Variants in FBXO32 observed in about 807,000 individuals in gnomAD.
FBXO32 encodes the protein F-box protein 32.
A neutral mutation model predicts 48.3 loss-of-function variants in FBXO32; 15 were observed. The ratio of observed to expected loss-of-function variants is 0.31; its 90% confidence interval spans 0.21 to 0.48. The LOEUF is 0.48. Among genes scored for constraint, FBXO32 ranks in the 20% least tolerant of loss-of-function variants. The pLI is 0.99. For missense variants in FBXO32, 309 were observed against 432.7 expected (o/e 0.71, Z 2.54); for synonymous variants, 154 against 165.9 (o/e 0.93, Z 0.55).
chr8:123,523,627 A>AAC (rs1421762695), intron 4 of FBXO32, among the ~76,000 whole-genome samples: 2,435 of 131,122 alleles, frequency 0.019, 66 homozygotes, highest in African/African-American at 0.068. Context: ...CAACAACAAC[A>AAC]AACAAACAAA....
chr8:123,524,054 T>G (rs904429426), intron 4 of FBXO32, among the ~76,000 whole-genome samples: 7 of 152,222 alleles, frequency 4.6e-5, no homozygotes, highest in Non-Finnish European at 7.3e-5. Context: ...ATGCATAAAT[T>G]GAGAGTGCAT....
In FBXO32 at chr8:123,500,149, T is replaced by C. The variant is rs1252389008; in HGVS notation, c.*3224A>G. The C allele has an allele frequency of 2.0e-5, 3 of 152,216 alleles. No individual in the cohort carries two copies. The highest frequency in any genetic ancestry group is 7.2e-5 in the African/African-American group (3 of 41,458). The allele number at this position is 152,216 out of a possible 1,614,324, so 9.4% of individuals were successfully genotyped here. A position where few individuals can be genotyped will look rare whatever the true frequency, so the allele number is the denominator to read the frequency against. On this transcript the variant is annotated 3_prime_UTR_variant, in exon 9 of 9. Coordinates refer to ENST00000517956, the MANE Select transcript of FBXO32 (RefSeq NM_058229.4). ...TTAAAATGCCATTGGATTTTTTTTTTTCTGGATCTTGCTCTAGTGTGAGCA... is the reference window on the plus strand; with the variant it reads ...TTAAAATGCCATTGGATTTTTTTTTCTCTGGATCTTGCTCTAGTGTGAGCA...
At chr8:123,529,220 C>A (rs1195882085) in intron 4 of FBXO32, among the ~76,000 whole-genome samples, 1 of 152,160 alleles carries the variant, frequency 6.6e-6, no homozygotes, top group East Asian at 1.9e-4. Flanking sequence ...TTATTTAAAG[C>A]AAAGCGCTCA....
rs1372743106 is a variant in FBXO32 at position 123,525,026 on chromosome 8, G to A, written c.372+6872C>T. Among the ~76,000 whole-genome samples, 1 of 152,256 alleles carries A rather than the reference G, an allele frequency of 6.6e-6. No individual in the cohort carries two copies. The highest frequency in any genetic ancestry group is 1.5e-5 in the Non-Finnish European group (1 of 68,050). On this transcript the variant is annotated intron_variant, in intron 4 of 8. Transcript: ENST00000517956. The surrounding 1 kb of genome is among the most constrained non-coding windows in gnomAD (Gnocchi z 4.3). The stretch of plus-strand genomic sequence containing the variant: ...GGAACCTGTGTGAAGGGGCCAGGAT[G>A]CTGATGCACATCAAGGCCCAGCAGG...
intron 6 of FBXO32, among the ~76,000 whole-genome samples, chr8:123,511,742 C>G (rs1318574914): frequency 1.3e-5 from 2 of 152,136 alleles, no homozygotes; most frequent in Non-Finnish European, 2.9e-5. Flanking sequence ...TCCCAAAGTG[C>G]TGGGATTACA....
intron 8 of FBXO32, among the ~76,000 whole-genome samples, chr8:123,504,016 G>C (rs1404767547): frequency 6.6e-6 from 1 of 150,956 alleles, no homozygotes. Context: ...GGAGGTGGAG[G>C]TTGCAATGAG....
chr8:123,518,442 TCAAA>T (rs1194420915), intron 4 of FBXO32, among the ~76,000 whole-genome samples: 1 of 152,232 alleles, frequency 6.6e-6, no homozygotes, highest in Non-Finnish European at 1.5e-5. Context: ...GTAGCTGTTG[TCAAA>T]CAAATAAATA....
intron 4 of FBXO32, among the ~76,000 whole-genome samples, chr8:123,527,706 A>G (rs774984498): frequency 6.6e-6 from 1 of 152,190 alleles, no homozygotes; most frequent in Non-Finnish European, 1.5e-5. Flanking sequence ...AGTAAGTTAC[A>G]TTGCATTTTG....
At chr8:123,526,044 T>C (rs1817067474) in intron 4 of FBXO32, among the ~76,000 whole-genome samples, 1 of 152,078 alleles carries the variant, frequency 6.6e-6, no homozygotes, top group Admixed American at 6.6e-5. Context: ...CAATCATCCC[T>C]AGTGTTTATA....
In FBXO32 at chr8:123,539,032, G is replaced by A. The variant is rs565357522; in HGVS notation, c.116+1867C>T. Among the ~76,000 whole-genome samples the A allele has an allele frequency of 8.5e-5, 13 of 152,260 alleles. No homozygotes were observed. The South Asian group carries it at 1.7e-3, about 19-fold the overall frequency. On this transcript the variant is annotated intron_variant, in intron 1 of 8. Transcript: ENST00000517956. ...ATTTTTATTTATTTTTAGAGACAGG[G>A]TCTCGCTCTGTGGCCCAGGCTGGAG...
Position 123,525,227 on chromosome 8 carries a change from C to G in FBXO32, c.372+6671G>C, listed in dbSNP as rs1350825673. On this transcript the variant is annotated intron_variant, in intron 4 of 8. Transcript: ENST00000517956. This position sits in a 1 kb window ranked among gnomAD's most constrained non-coding sequence, Gnocchi z 4.3. ...AACTTGCTGGAAACATTCAAATGCA[C>G]TTAGGGTGGTAACGCAGAAAAAAAT... is the stretch of plus-strand genomic sequence containing the variant. Among the ~76,000 whole-genome samples, 1 of 152,156 alleles carries G rather than the reference C, an allele frequency of 6.6e-6. No homozygotes were observed. Among genetic ancestry groups the G allele is most frequent in the Non-Finnish European group, 1.5e-5 (1 of 68,026 alleles).
At position 123,501,762 on chromosome 8, in the gene FBXO32, C is replaced by T. The variant is rs1051426634; in HGVS notation, c.*1611G>A. On this transcript the variant is annotated 3_prime_UTR_variant, in exon 9 of 9. Coordinates refer to ENST00000517956, the MANE Select transcript of FBXO32 (RefSeq NM_058229.4). ...GCTCAGCTCTTAAAGATACACTGTT[C>T]CTCAACTTGAATGTGGACTGTGTTC... The T allele has an allele frequency of 6.6e-6, 1 of 152,162 alleles. No homozygotes were observed. The highest frequency in any genetic ancestry group is 2.4e-5 in the African/African-American group (1 of 41,440). The allele number at this position is 152,162 out of a possible 1,614,324, so 9.4% of individuals were successfully genotyped here.
intron 4 of FBXO32, among the ~76,000 whole-genome samples, chr8:123,518,199 C>CA (rs1464276968): frequency 6.6e-6 from 1 of 152,158 alleles, no homozygotes; most frequent in Non-Finnish European, 1.5e-5. Flanking sequence ...TTCCCATCTT[C>CA]AAAATATGCA....
intron 6 of FBXO32, among the ~76,000 whole-genome samples, chr8:123,512,250 TA>T (rs1443841796): frequency 6.6e-6 from 1 of 152,170 alleles, no homozygotes; most frequent in Non-Finnish European, 1.5e-5. Flanking sequence ...TTTCACAGCT[TA>T]AAAAGTGCAG....
At chr8:123,526,896 C>A (rs1817088632) in intron 4 of FBXO32, 1 of 151,836 alleles carries the variant, frequency 6.6e-6, no homozygotes, top group South Asian at 2.1e-4. Flanking sequence ...ATAGTAAATA[C>A]TCTAGGCTTG....
Position 123,502,284 on chromosome 8 carries a change from C to T in FBXO32, c.*1089G>A, listed in dbSNP as rs184957661. 2 of 152,392 alleles carry T rather than the reference C, an allele frequency of 1.3e-5. No homozygotes were observed. The highest frequency in any genetic ancestry group is 2.1e-4 in the South Asian group (1 of 4,822). 9.4% of individuals were successfully genotyped at this position (152,392 alleles called of 1,614,324 possible). ...ATTGTAAAACCTGTCTTTCGAGCCT[C>T]AGCACTTGGGCCCCACTCTGTCCAC... On this transcript the variant is annotated 3_prime_UTR_variant, in exon 9 of 9. Transcript: ENST00000517956.
At chr8:123,532,170 G>C in intron 3 of FBXO32, 180 bp from the exon 4 acceptor site, 1 of 1,372,092 alleles carries the variant, frequency 7.3e-7, no homozygotes, top group Non-Finnish European at 9.4e-7. Flanking sequence ...CACCAAGATG[G>C]GTAACACAGC....
At position 123,513,106 on chromosome 8, in the gene FBXO32, G is replaced by T; in HGVS notation, c.651+92C>A. 3.0e-6 allele frequency: 4 copies of T among 1,350,718 alleles called. No individual in the cohort carries two copies. Among genetic ancestry groups the T allele is most frequent in the Non-Finnish European group, 4.1e-6 (4 of 965,796 alleles). The allele number at this position is 1,350,718 out of a possible 1,614,324, so 83.7% of individuals were successfully genotyped here. The stretch of plus-strand genomic sequence containing the variant: ...AGATCAGAAAAGACCAGACTCTTCC[G>T]TCACAGGAGTGAATTCAAAGTCTTG... On this transcript the variant is annotated intron_variant, in intron 6 of 8. Transcript: ENST00000517956. This position sits in a 1 kb window ranked among gnomAD's most constrained non-coding sequence, Gnocchi z 4.3.
intron 4 of FBXO32, among the ~76,000 whole-genome samples, chr8:123,524,045 T>C (rs554174595): frequency 3.9e-5 from 6 of 152,372 alleles, no homozygotes; most frequent in Admixed American, 6.5e-5. Flanking sequence ...TTTATGAATA[T>C]GCATAAATTG....
Sources: allele counts gnomAD v4.1 joint callset (sites outside exome capture counted in the v4.1 genomes callset), GRCh38; gene constraint gnomAD v4.1.1; non-coding constraint Gnocchi (gnomAD v3.1); transcripts MANE v1.5; gene names NCBI Gene and HGNC (gene_info 2026-07-23, HGNC 2026-07-21).